The following THRB variants were observed in gnomAD, a reference collection of about 807,000 sequenced individuals.
THRB encodes the protein thyroid hormone receptor beta, also known as nuclear receptor subfamily 1 group A member 2.
Under a neutral mutation model 47.8 loss-of-function variants are expected in THRB, and 12 were observed. The ratio of observed to expected loss-of-function variants is 0.25; its 90% CI spans 0.16 to 0.41. THRB has a LOEUF of 0.41. THRB is among the 10% of genes least tolerant of loss of function. THRB has a pLI of 1.00. For synonymous variants in THRB, 218 were observed against 212.2 expected (o/e 1.03, Z -0.24); for missense variants, 348 against 589.2 (o/e 0.59, Z 4.24).
Position 24,202,094 on chromosome 3 carries a change from A to G in THRB, c.23-11760T>C, listed in dbSNP as rs547326414. Among the ~76,000 whole-genome samples, 30 of 152,306 alleles carry G rather than the reference A, an allele frequency of 2.0e-4. 1 individual carries two copies. In the South Asian group the frequency reaches 5.8e-3, roughly 29 times the overall value. On this transcript the variant is annotated intron_variant, in intron 4 of 10. Coordinates refer to ENST00000646209, the MANE Select transcript of THRB (RefSeq NM_001354712.2). ...CCAAGTAGGATTAGCTGAGCATGCG[A>G]CACCCTTTATGGGAAGTCAACACTG... is the stretch of plus-strand genomic sequence containing the variant.
chr3:24,195,346 A>T (rs1013422639), intron 4 of THRB, among the ~76,000 whole-genome samples: 2 of 152,206 alleles, frequency 1.3e-5, no homozygotes, highest in East Asian at 3.8e-4. Context: ...TTGTGCTATT[A>T]ACCGATATGT....
At position 24,260,633 on chromosome 3, in the gene THRB, G is replaced by A. The variant is rs151053218; in HGVS notation, c.-42-31632C>T. Among the ~76,000 whole-genome samples the A allele has an allele frequency of 8.3e-3, 1,260 of 152,112 alleles. 14 individuals are homozygous for A. The highest frequency in any genetic ancestry group is 0.028 in the African/African-American group (1,142 of 41,478). ...GACACATGGCCATGAACTCAGGTGCGCACTAAATGCTCTCAGGCACTCACA... is the reference window on the plus strand; with the variant it reads ...GACACATGGCCATGAACTCAGGTGCACACTAAATGCTCTCAGGCACTCACA... On this transcript the variant is annotated intron_variant, in intron 3 of 10. Transcript: ENST00000646209.
At chr3:24,434,735 A>G (rs1314802430) in intron 1 of THRB, among the ~76,000 whole-genome samples, 1 of 152,204 alleles carries the variant, frequency 6.6e-6, no homozygotes, top group Non-Finnish European at 1.5e-5. Flanking sequence ...TACTAGCTGG[A>G]GAAAACAAGA....
At chr3:24,285,218 G>A (rs929429472) in intron 3 of THRB, among the ~76,000 whole-genome samples, 13 of 136,608 alleles carry the variant, frequency 9.5e-5, no homozygotes, top group African/African-American at 1.1e-4. Flanking sequence ...TTAAGAAAAT[G>A]TGGCACATAT....
At position 24,122,526 on chromosome 3, in the gene THRB, G is replaced by C; in HGVS notation, c.*358C>G. 1 of 347,892 alleles carries C rather than the reference G, an allele frequency of 2.9e-6. No individual in the cohort carries two copies. Among genetic ancestry groups the C allele is most frequent in the South Asian group, 2.6e-5 (1 of 37,938 alleles). 21.6% of individuals were successfully genotyped at this position (347,892 alleles called of 1,614,324 possible). On this transcript the variant is annotated 3_prime_UTR_variant, in exon 11 of 11. Transcript: ENST00000646209. ...TGGGTGGAGGTGGTCGTATTATCTTGGTTTTAAGGCTTCTTTAGTGTCCTG... is the reference window on the plus strand; with the variant it reads ...TGGGTGGAGGTGGTCGTATTATCTTCGTTTTAAGGCTTCTTTAGTGTCCTG...
At chr3:24,151,939 G>A (rs970364585) in intron 6 of THRB, among the ~76,000 whole-genome samples, 1 of 152,126 alleles carries the variant, frequency 6.6e-6, no homozygotes, top group African/African-American at 2.4e-5. Flanking sequence ...TGGAACCCTT[G>A]AAAATGAGCA....
chr3:24,269,395 GCGCGCGCGCACACACACA>G (rs1277198446), intron 3 of THRB, among the ~76,000 whole-genome samples: 1 of 97,776 alleles, frequency 1.0e-5, no homozygotes, highest in African/African-American at 4.6e-5. Flanking sequence ...ACACGCGCGC[GCGCGCGCGCACACACACA>G]CACACACACA....
At chr3:24,288,631 T>G (rs1482861836) in intron 3 of THRB, among the ~76,000 whole-genome samples, 1 of 152,224 alleles carries the variant, frequency 6.6e-6, no homozygotes, top group Non-Finnish European at 1.5e-5. Context: ...TGTCTTTTTC[T>G]GCCGATATAA....
intron 5 of THRB, among the ~76,000 whole-genome samples, chr3:24,170,904 A>G (rs888474248): frequency 2.0e-5 from 3 of 152,202 alleles, no homozygotes; most frequent in African/African-American, 7.2e-5. Flanking sequence ...TAAGTGGATT[A>G]TCTTAGGCTT....
chr3:24,299,186 T>C (rs1208539918), intron 2 of THRB, among the ~76,000 whole-genome samples: 5 of 146,636 alleles, frequency 3.4e-5, no homozygotes, highest in Non-Finnish European at 7.4e-5. Context: ...AGGCTGATCT[T>C]GCAGTGAGCC....
chr3:24,343,897 A>T (rs1208090934), intron 1 of THRB, among the ~76,000 whole-genome samples: 1 of 146,766 alleles, frequency 6.8e-6, no homozygotes, highest in East Asian at 2.0e-4. Context: ...TTACATACTG[A>T]TATATATATA....
At chr3:24,410,377 A>C (rs1471234192) in intron 1 of THRB, among the ~76,000 whole-genome samples, 1 of 151,828 alleles carries the variant, frequency 6.6e-6, no homozygotes, top group Non-Finnish European at 1.5e-5. Context: ...GCAAAAATGC[A>C]AATATTCCAA....
intron 9 of THRB, among the ~76,000 whole-genome samples, chr3:24,131,082 C>T (rs2033785634): frequency 1.3e-5 from 2 of 152,174 alleles, no homozygotes; most frequent in Admixed American, 1.3e-4. Context: ...ATTTATTGAG[C>T]TGCACTCTTA....
At chr3:24,219,192 A>C (rs1473066005) in intron 4 of THRB, among the ~76,000 whole-genome samples, 2 of 152,188 alleles carry the variant, frequency 1.3e-5, no homozygotes, top group African/African-American at 4.8e-5. Flanking sequence ...TGGGAGGATT[A>C]ACTGAGTCTG....
intron 1 of THRB, among the ~76,000 whole-genome samples, chr3:24,475,844 A>G (rs1695374684): frequency 6.6e-6 from 1 of 152,244 alleles, no homozygotes; most frequent in South Asian, 2.1e-4. Flanking sequence ...AAGCTAATAA[A>G]GAAAACATGT....
intron 1 of THRB, among the ~76,000 whole-genome samples, chr3:24,408,544 G>A (rs2068015339): frequency 6.6e-6 from 1 of 151,810 alleles, no homozygotes; most frequent in Non-Finnish European, 1.5e-5. Context: ...TGTGTGAGCT[G>A]GTATGCAATC....
At chr3:24,352,867 C>T (rs1188210222) in intron 1 of THRB, among the ~76,000 whole-genome samples, 1 of 151,942 alleles carries the variant, frequency 6.6e-6, no homozygotes, top group Non-Finnish European at 1.5e-5. Context: ...TATTCTTTTC[C>T]TTGTTTTTCA....
At chr3:24,328,903 C>T (rs541835181) in intron 2 of THRB, among the ~76,000 whole-genome samples, 1 of 152,218 alleles carries the variant, frequency 6.6e-6, no homozygotes, top group South Asian at 2.1e-4. Flanking sequence ...CATGATCTGA[C>T]TCTTGATGGT....
rs1342093274 is a variant in THRB at position 24,280,028 on chromosome 3, GT to G, written c.-43+17197del. On this transcript the variant is annotated intron_variant, in intron 3 of 10. Transcript: ENST00000646209. ...TAATAGGGTCCAGCGCACAAAAATG[GT>G]TACAAACACTTGGCTGCCTTAGCTC... Among the ~76,000 whole-genome samples, 10 of 152,242 alleles carry G rather than the reference GT, an allele frequency of 6.6e-5. No individual in the cohort carries two copies. The East Asian group carries it at 1.7e-3, about 26-fold the overall frequency.
Sources: allele counts gnomAD v4.1 joint callset (sites outside exome capture counted in the v4.1 genomes callset), GRCh38; gene constraint gnomAD v4.1.1; transcripts MANE v1.5; gene names NCBI Gene and HGNC (gene_info 2026-07-23, HGNC 2026-07-21).